Variants in DCDC1 observed in about 807,000 individuals in gnomAD.
DCDC1 encodes doublecortin domain containing 1.
A neutral mutation model predicts 178.3 loss-of-function variants in DCDC1; 200 were observed. The observed-to-expected ratio is 1.12, with a 90% CI of 1.00 to 1.26. The LOEUF (loss-of-function observed/expected upper bound fraction) is 1.26, where lower values mean the gene tolerates loss of function less well. DCDC1 is among the 50% of genes most tolerant of loss of function. The pLI is 0.00. For missense variants in DCDC1, 1,983 were observed against 1,749.2 expected, an observed-to-expected ratio of 1.13 and a Z score of -2.38; for synonymous variants, 690 against 604.8, an observed-to-expected ratio of 1.14 and a Z score of -2.07.
chr11:31,235,905 T>TA (rs1207384693), intron 9 of DCDC1, among the ~76,000 whole-genome samples: 1 of 152,018 alleles, frequency 6.6e-6, no homozygotes, highest in Admixed American at 6.6e-5. Flanking sequence ...GCTCTCTGGT[T>TA]TTACAGAACT....
rs1390992506 is a variant in DCDC1, at chr11:30,906,695, T to C, written c.3949A>G (p.Arg1317Gly). ...GYCYLSPDGK[R>G]KTMLCLACGQ... ...CAAGCCAAGCAGAGCATAGTTTTTC[T>C]CTTTCCATCAGGTGAGAGATAACAG... The change falls in exon 30 of 39, where the codon AGA becomes GGA. Residue 1317 changes from arginine to glycine, a missense_variant. Coordinates refer to ENST00000684477, the MANE Select transcript of DCDC1 (RefSeq NM_001387274.1). 3.7e-6 allele frequency: 6 copies of C among 1,613,572 alleles called. No individual in the cohort carries two copies. Among genetic ancestry groups the C allele is most frequent in the Non-Finnish European group, 5.1e-6 (6 of 1,179,646 alleles).
intron 11 of DCDC1, among the ~76,000 whole-genome samples, chr11:31,122,435 C>T (rs1018015062): frequency 1.9e-4 from 29 of 152,112 alleles, no homozygotes; most frequent in African/African-American, 6.3e-4. Context: ...GCTTGCACCA[C>T]ACCTGAAGAT....
chr11:31,290,819 G>T lies in DCDC1; in HGVS notation c.788C>A (p.Thr263Lys). 1 of 1,612,824 alleles carries T rather than the reference G, an allele frequency of 6.2e-7. No individual in the cohort carries two copies. Among genetic ancestry groups the T allele is most frequent in the Non-Finnish European group, 8.5e-7 (1 of 1,179,302 alleles). The change falls in exon 7 of 39, where the codon ACA becomes AAA. Residue 263 changes from threonine to lysine, a missense_variant. Thr to Lys is a moderately conservative substitution (Grantham distance 78, BLOSUM62 -1). Transcript: ENST00000684477. ...AGTAGGAAGCATCAACCCATTCATT[G>T]TCCAAGTTACTTTCTTAATTAACAA... ...HLLLIKKVTW[T>K]MNGLMLPTDI... is the part of the protein sequence containing the mutation.
intron 1 of DCDC1, among the ~76,000 whole-genome samples, chr11:31,362,590 C>A (rs1465472089): frequency 6.6e-6 from 1 of 152,088 alleles, no homozygotes; most frequent in African/African-American, 2.4e-5. Flanking sequence ...TCATTAAAGG[C>A]AAACAATCTG....
intron 10 of DCDC1, among the ~76,000 whole-genome samples, chr11:31,137,348 A>T (rs940895478): frequency 1.4e-5 from 2 of 138,262 alleles, no homozygotes; most frequent in Non-Finnish European, 3.1e-5. Flanking sequence ...ATTAGTGTTC[A>T]TTGCAGGTTT....
At chr11:31,061,959 T>C (rs1051985934) in intron 20 of DCDC1, among the ~76,000 whole-genome samples, 1 of 152,076 alleles carries the variant, frequency 6.6e-6, no homozygotes, top group African/African-American at 2.4e-5. Flanking sequence ...TCAGATTGCA[T>C]TGCCTCAGGG....
rs1407459963 is a variant in DCDC1 at position 30,994,661 on chromosome 11, TTATATAA to T, written c.2592-42100_2592-42094del. Among the ~76,000 whole-genome samples, 5 of 145,322 alleles carry T rather than the reference TTATATAA, an allele frequency of 3.4e-5. No homozygotes were observed. The South Asian group carries it at 6.3e-4, about 18-fold the overall frequency. On this transcript the variant is annotated intron_variant, in intron 20 of 38. Coordinates refer to ENST00000684477, the MANE Select transcript of DCDC1 (RefSeq NM_001387274.1). Reference sequence around the variant, plus strand: ...ATTTATTATAATATATAACATATTATTATATAATATATAATATATAACATATTATTGT... The same window carrying T: ...ATTTATTATAATATATAACATATTATTATATAATATATAACATATTATTGT...
At chr11:31,089,912 T>G (rs1957705574) in intron 17 of DCDC1, among the ~76,000 whole-genome samples, 1 of 152,156 alleles carries the variant, frequency 6.6e-6, no homozygotes, top group Non-Finnish European at 1.5e-5. Flanking sequence ...CATTTTTGGG[T>G]CAGTTACAAT....
chr11:31,178,754 G>A (rs752127906), intron 9 of DCDC1, among the ~76,000 whole-genome samples: 7 of 152,018 alleles, frequency 4.6e-5, no homozygotes, highest in South Asian at 2.1e-4. Flanking sequence ...ATGCAGTGGC[G>A]CGATCTCAGC....
At chr11:30,898,584 A>G (rs1944412797) in intron 34 of DCDC1, among the ~76,000 whole-genome samples, 2 of 152,154 alleles carry the variant, frequency 1.3e-5, no homozygotes, top group Admixed American at 1.3e-4. Flanking sequence ...CAAAGGAGGC[A>G]TTGGTGTTGG....
At chr11:31,149,420 C>G (rs1483715103) in intron 9 of DCDC1, among the ~76,000 whole-genome samples, 2 of 152,108 alleles carry the variant, frequency 1.3e-5, no homozygotes, top group African/African-American at 2.4e-5. Flanking sequence ...ATGGACCAAT[C>G]AGCACTCTGT....
At position 31,365,105 on chromosome 11, in the gene DCDC1, T is replaced by C. The variant is rs963161946; in HGVS notation, c.-125+4592A>G. Among the ~76,000 whole-genome samples the C allele has an allele frequency of 3.9e-5, 6 of 152,216 alleles. No individual in the cohort carries two copies. The South Asian group carries it at 8.3e-4, about 21-fold the overall frequency. On this transcript the variant is annotated intron_variant, in intron 1 of 38. Coordinates refer to ENST00000684477, the MANE Select transcript of DCDC1 (RefSeq NM_001387274.1). ...CTTTTTAAATGTCTGTTTACCCAGA[T>C]AAACTAAGCTTTTGACAGGACTACA...
chr11:31,239,016 A>C (rs142488291), intron 9 of DCDC1, among the ~76,000 whole-genome samples: 1 of 152,092 alleles, frequency 6.6e-6, no homozygotes, highest in Admixed American at 6.6e-5. Flanking sequence ...ATTTAAAATA[A>C]ATTTCCTTTG....
chr11:30,865,102 T>C lies in DCDC1; in HGVS notation c.*271A>G, dbSNP rs949906686. The C allele has an allele frequency of 6.6e-6, 1 of 152,198 alleles. No homozygotes were observed. Among genetic ancestry groups the C allele is most frequent in the Non-Finnish European group, 1.5e-5 (1 of 68,032 alleles). 9.4% of individuals were successfully genotyped at this position (152,198 alleles called of 1,614,324 possible). A position where few individuals can be genotyped will look rare whatever the true frequency, so the allele number is the denominator to read the frequency against. On this transcript the variant is annotated 3_prime_UTR_variant, in exon 39 of 39. Coordinates refer to ENST00000684477, the MANE Select transcript of DCDC1 (RefSeq NM_001387274.1). Reference sequence around the variant, plus strand: ...AAGAGAAAAGATGCCCAGAGCAGTCTGTTAGAGTTGCATTCTCAGACTAAT... The same window carrying C: ...AAGAGAAAAGATGCCCAGAGCAGTCCGTTAGAGTTGCATTCTCAGACTAAT...
At chr11:31,104,431 A>G (rs1356445903) in intron 13 of DCDC1, among the ~76,000 whole-genome samples, 2 of 152,136 alleles carry the variant, frequency 1.3e-5, no homozygotes, top group Non-Finnish European at 2.9e-5. Flanking sequence ...ACACTCAGAC[A>G]AACCCAGAAT....
chr11:31,095,109 C>G (rs1336993229), intron 15 of DCDC1, among the ~76,000 whole-genome samples: 1 of 152,060 alleles, frequency 6.6e-6, no homozygotes, highest in Non-Finnish European at 1.5e-5. Context: ...CATGTCCCTG[C>G]AAAGGACATG....
chr11:30,951,193 T>C (rs1037494862), intron 21 of DCDC1, among the ~76,000 whole-genome samples: 1 of 151,976 alleles, frequency 6.6e-6, no homozygotes, highest in African/African-American at 2.4e-5. Context: ...CTCCCAGATA[T>C]ATTGTGCTGA....
intron 38 of DCDC1, among the ~76,000 whole-genome samples, chr11:30,866,219 C>T (rs141607776): frequency 6.6e-6 from 1 of 152,144 alleles, no homozygotes; most frequent in African/African-American, 2.4e-5. Context: ...TTTTCTTAGT[C>T]TATTCAGGTT....
intron 20 of DCDC1, among the ~76,000 whole-genome samples, chr11:31,042,758 T>G (rs1954557291): frequency 6.6e-6 from 1 of 152,192 alleles, no homozygotes; most frequent in Non-Finnish European, 1.5e-5. Context: ...CACCATCCTC[T>G]GGCAACCTGA....
Sources: allele counts gnomAD v4.1 joint callset (sites outside exome capture counted in the v4.1 genomes callset), GRCh38; gene constraint gnomAD v4.1.1; transcripts MANE v1.5; gene names NCBI Gene and HGNC (gene_info 2026-07-23, HGNC 2026-07-21).